The following GALNT16 variants were observed in gnomAD, a reference collection of about 807,000 sequenced individuals.
GALNT16 encodes the protein polypeptide N-acetylgalactosaminyltransferase 16, also known as UDP-GalNAc:polypeptide N-acetylgalactosaminyltransferase-like protein 1.
GALNT16 carries 40 observed loss-of-function variants against 76.1 expected under a neutral mutation model. That is an observed-to-expected ratio of 0.53 (90% CI 0.41 to 0.68). The LOEUF (loss-of-function observed/expected upper bound fraction) is 0.68. Among genes scored for constraint, GALNT16 ranks in the 30% least tolerant of loss-of-function variants. The pLI, the probability that GALNT16 is intolerant of heterozygous loss-of-function variation, is 0.00. For missense variants in GALNT16, 621 were observed against 731.9 expected (o/e 0.85, Z 1.75); for synonymous variants, 276 against 285.2 (o/e 0.97, Z 0.32).
chr14:69,325,421 CT>C lies in GALNT16; in HGVS notation c.502+22del. The stretch of plus-strand genomic sequence containing the variant: ...GCTCAGATCGTGAGTAGTCACCTTC[CT>C]TTTTGCAGCCCTCCATTCCGCCCTC... On this transcript the variant is annotated intron_variant, in intron 4 of 14. Transcript: ENST00000448469. 6.9e-7 allele frequency: 1 copy of C among 1,438,996 alleles called. No homozygotes were observed. Among genetic ancestry groups the C allele is most frequent in the African/African-American group, 1.4e-5 (1 of 71,598 alleles). The allele number at this position is 1,438,996 out of a possible 1,614,324, so 89.1% of individuals were successfully genotyped here.
At position 69,324,875 on chromosome 14, in the gene GALNT16, G is replaced by A. The variant is rs928356815; in HGVS notation, c.434+85G>A. 5.2e-5 allele frequency: 43 copies of A among 829,074 alleles called. No homozygotes were observed. The East Asian group carries it at 1.0e-3, about 19-fold the overall frequency. The allele number at this position is 829,074 out of a possible 1,614,324, so 51.4% of individuals were successfully genotyped here. A position where few individuals can be genotyped will look rare whatever the true frequency, so the allele number is the denominator to read the frequency against. On this transcript the variant is annotated intron_variant, in intron 3 of 14. Transcript: ENST00000448469. ...GGGCGCTGTGGCCAGACAGCTTGAAGCCCAGCAGGTGCTGGAGGCTGAGTC... is the reference window on the plus strand; with the variant it reads ...GGGCGCTGTGGCCAGACAGCTTGAAACCCAGCAGGTGCTGGAGGCTGAGTC...
downstream of GALNT16, chr14:69,357,742 G>A (rs561083300): frequency 6.6e-6 from 1 of 152,328 alleles, no homozygotes; most frequent in Admixed American, 6.5e-5. Context: ...TGTCTCTTAA[G>A]ATGTGGTCCA....
intron 1 of GALNT16, among the ~76,000 whole-genome samples, chr14:69,311,554 A>G (rs916590618): frequency 3.3e-5 from 5 of 152,208 alleles, no homozygotes; most frequent in Non-Finnish European, 7.3e-5. Flanking sequence ...TGATTCAAAA[A>G]AATCTGCCTT....
chr14:69,366,854 A>C, the GALNT16 span, among the ~76,000 whole-genome samples: 1 of 152,190 alleles, frequency 6.6e-6, no homozygotes, highest in Non-Finnish European at 1.5e-5. Context: ...CACTCTTCAA[A>C]GAGCAGAGAT....
At chr14:69,329,591 A>G (rs1023220032) in intron 6 of GALNT16, among the ~76,000 whole-genome samples, 2 of 152,196 alleles carry the variant, frequency 1.3e-5, no homozygotes, top group African/African-American at 4.8e-5. Context: ...CCATTCTTGC[A>G]TTGCTATAAG....
At chr14:69,327,949 T>G (rs2045306227) in intron 5 of GALNT16, among the ~76,000 whole-genome samples, 1 of 152,180 alleles carries the variant, frequency 6.6e-6, no homozygotes, top group Admixed American at 6.5e-5. Context: ...TCTCTGAATC[T>G]TATAGATAAG....
chr14:69,272,232 A>C (rs923607825), intron 1 of GALNT16, among the ~76,000 whole-genome samples: 4 of 152,140 alleles, frequency 2.6e-5, no homozygotes, highest in Non-Finnish European at 5.9e-5. Flanking sequence ...GCCTGGTGGC[A>C]TGCACTTGTA....
intron 1 of GALNT16, among the ~76,000 whole-genome samples, chr14:69,311,459 G>A (rs1333389696): frequency 6.6e-6 from 1 of 152,118 alleles, no homozygotes; most frequent in Non-Finnish European, 1.5e-5. Context: ...TCGAACCACA[G>A]CAGAGCCTCA....
At chr14:69,335,500 T>C (rs970958454) in intron 9 of GALNT16, among the ~76,000 whole-genome samples, 5 of 152,268 alleles carry the variant, frequency 3.3e-5, no homozygotes, top group Non-Finnish European at 7.3e-5. Flanking sequence ...CTCCTTGCTC[T>C]GCCTCCAAAG....
chr14:69,342,923 T>C (rs1355773313), intron 12 of GALNT16, among the ~76,000 whole-genome samples: 1 of 152,236 alleles, frequency 6.6e-6, no homozygotes, highest in Non-Finnish European at 1.5e-5. Context: ...TCCATGTTCC[T>C]TGTAGCCGTT....
chr14:69,280,313 T>C (rs1477791432), intron 1 of GALNT16, among the ~76,000 whole-genome samples: 1 of 152,240 alleles, frequency 6.6e-6, no homozygotes, highest in Non-Finnish European at 1.5e-5. Context: ...TTGTGATGGC[T>C]CATTTCATTC....
intron 1 of GALNT16, among the ~76,000 whole-genome samples, chr14:69,301,821 T>C (rs934943879): frequency 3.9e-5 from 6 of 152,048 alleles, no homozygotes; most frequent in African/African-American, 1.4e-4. Context: ...AAACCTGCTC[T>C]CTCCAAAAAG....
the GALNT16 span, among the ~76,000 whole-genome samples, chr14:69,366,411 G>A: frequency 3.9e-5 from 6 of 152,258 alleles, no homozygotes; most frequent in Admixed American, 1.3e-4. Context: ...GTGCTTCCCC[G>A]ACTCTGCCTG....
rs776397071 is a variant in GALNT16, at chr14:69,341,692, G to T, written c.1199G>T (p.Arg400Leu). Residue 400 changes from arginine to leucine, a missense_variant, in exon 12 of 15, where the codon CGG becomes CTG. Transcript: ENST00000448469. Reference sequence around the variant, plus strand: ...GCCTCCTCCTACAGTGTGGCTACGCGGATAGAGCAGAGGAAGAAGATGAAC... The same window carrying T: ...GCCTCCTCCTACAGTGTGGCTACGCTGATAGAGCAGAGGAAGAAGATGAAC... ...IGKAFGSVAT[R>L]IEQRKKMNCK... 8 of 1,611,492 alleles carry T rather than the reference G, an allele frequency of 5.0e-6. No individual in the cohort carries two copies. Among genetic ancestry groups the T allele is most frequent in the Non-Finnish European group, 6.8e-6 (8 of 1,178,484 alleles).
At chr14:69,271,150 C>A (rs1019783131) in intron 1 of GALNT16, among the ~76,000 whole-genome samples, 2 of 152,088 alleles carry the variant, frequency 1.3e-5, no homozygotes, top group African/African-American at 4.8e-5. Context: ...CATGGCTCAT[C>A]GCTGGATGCA....
chr14:69,296,610 T>C (rs1410696829), intron 1 of GALNT16, among the ~76,000 whole-genome samples: 1 of 152,040 alleles, frequency 6.6e-6, no homozygotes, highest in East Asian at 1.9e-4. Flanking sequence ...AGAGGATTGC[T>C]TGGACCTGGG....
chr14:69,264,275 G>A (rs2044312220), intron 1 of GALNT16, among the ~76,000 whole-genome samples: 1 of 152,180 alleles, frequency 6.6e-6, no homozygotes, highest in African/African-American at 2.4e-5. Context: ...AATGACCATG[G>A]ACACAATACT....
At chr14:69,347,326 C>CT (rs761205770) in intron 13 of GALNT16, 145 bp downstream of exon 13, 3 of 688,618 alleles carry the variant, frequency 4.4e-6, no homozygotes, top group Non-Finnish European at 7.1e-6. Context: ...GACCCTGCTC[C>CT]TACACATTCA....
intron 1 of GALNT16, among the ~76,000 whole-genome samples, chr14:69,293,378 T>A (rs1356233474): frequency 1.3e-5 from 2 of 152,236 alleles, no homozygotes; most frequent in Non-Finnish European, 2.9e-5. Context: ...AGAATACTTC[T>A]TAAAACAGGC....
Sources: allele counts gnomAD v4.1 joint callset (sites outside exome capture counted in the v4.1 genomes callset), GRCh38; gene constraint gnomAD v4.1.1; transcripts MANE v1.5; gene names NCBI Gene and HGNC (gene_info 2026-07-23, HGNC 2026-07-21).